Variants in DOK7 observed in about 807,000 individuals in gnomAD.
The protein encoded by DOK7 is docking protein 7, also known as protein Dok-7.
A neutral mutation model predicts 30.7 loss-of-function variants in DOK7; 32 were observed. The ratio of observed to expected loss-of-function variants is 1.04; its 90% confidence interval spans 0.79 to 1.40. DOK7 has a LOEUF of 1.40. Among genes scored for constraint, DOK7 ranks in the 40% most tolerant of loss-of-function variants. The probability of loss-of-function intolerance (pLI) is 0.00; values close to 1 mark genes in which losing one functional copy is unlikely to be tolerated. For missense variants in DOK7, 1,007 were observed against 699.2 expected (o/e 1.44, Z -4.97); for synonymous variants, 447 against 324.1 (o/e 1.38, Z -4.07).
chr4:3,498,921 C>T (rs550289310), downstream of DOK7, among the ~76,000 whole-genome samples: 1 of 152,376 alleles, frequency 6.6e-6, no homozygotes, highest in East Asian at 1.9e-4. Context: ...TCGACCTGGG[C>T]TCCATCTCGC....
downstream of DOK7, among the ~76,000 whole-genome samples, chr4:3,495,451 T>G (rs952590164): frequency 3.3e-5 from 5 of 152,234 alleles, no homozygotes; most frequent in South Asian, 1.0e-3. Context: ...TCATGGGGCC[T>G]CTTGCCTGGC....
In DOK7 at chr4:3,493,198, C is replaced by T; in HGVS notation, c.1212C>T (p.His404=). The change falls in exon 7 of 7, where the codon CAC becomes CAT. Residue 404 remains histidine (H), a synonymous_variant. Transcript: ENST00000340083. ...AGGTGCCCACCTCCCTGCGGGCCCA[C>T]TATGACACACCACGCAGCCTTTGCC... ...EYQVPTSLRA[H]YDTPRSLCLA... is the part of the protein sequence containing the mutation. 1.2e-6 allele frequency: 2 copies of T among 1,611,568 alleles called. No individual in the cohort carries two copies. The highest frequency in any genetic ancestry group is 1.7e-6 in the Non-Finnish European group (2 of 1,179,520).
At chr4:3,468,359 TGC>T (rs745776354) in intron 2 of DOK7, among the ~76,000 whole-genome samples, 147 of 152,082 alleles carry the variant, frequency 9.7e-4, no homozygotes, top group Non-Finnish European at 1.6e-3. Context: ...CTTGTCTGTG[TGC>T]GTGTGTCTGT....
chr4:3,494,295 C>A lies in DOK7; in HGVS notation c.*794C>A. 4 of 985,604 alleles carry A rather than the reference C, an allele frequency of 4.1e-6. No homozygotes were observed. Among genetic ancestry groups the A allele is most frequent in the Non-Finnish European group, 4.8e-6 (4 of 830,060 alleles). The allele number at this position is 985,604 out of a possible 1,614,324, so 61.1% of individuals were successfully genotyped here. ...CCCCTGGCCCAGGCCTCAGCCCCTG[C>A]GTCGGAGGTGGGGCTGTGTTGGGCC... On this transcript the variant is annotated 3_prime_UTR_variant, in exon 7 of 7. Transcript: ENST00000340083.
At chr4:3,469,005 C>T (rs200156813) in intron 2 of DOK7, among the ~76,000 whole-genome samples, 2,205 of 137,690 alleles carry the variant, frequency 0.016, 34 homozygotes, top group African/African-American at 0.048. Flanking sequence ...TGTGAGTGTG[C>T]GTGTATGAGT....
Position 3,494,005 on chromosome 4 carries a change from C to G in DOK7, c.*504C>G, listed in dbSNP as rs1461346922. ...TCCACCAGCCCAGCCCCCCTGGGCT[C>G]CGTGTGCGCTGGGCCTCATCCCCAT... On this transcript the variant is annotated 3_prime_UTR_variant, in exon 7 of 7. Transcript: ENST00000340083. The G allele has an allele frequency of 2.0e-6, 2 of 993,416 alleles. No individual in the cohort carries two copies. Among genetic ancestry groups the G allele is most frequent in the East Asian group, 1.1e-4 (1 of 9,056 alleles). 61.5% of individuals were successfully genotyped at this position (993,416 alleles called of 1,614,324 possible).
chr4:3,493,693 G>A lies in DOK7; in HGVS notation c.*192G>A. On this transcript the variant is annotated 3_prime_UTR_variant, in exon 7 of 7. Transcript: ENST00000340083. Reference sequence around the variant, plus strand: ...GGAAGGGGCTGACTTGGGGAGGTGAGTTCTGGAAGGCAGGGGCTCTGGGTC... The same window carrying A: ...GGAAGGGGCTGACTTGGGGAGGTGAATTCTGGAAGGCAGGGGCTCTGGGTC... 4.9e-6 allele frequency: 7 copies of A among 1,438,868 alleles called. No homozygotes were observed. Among genetic ancestry groups the A allele is most frequent in the Non-Finnish European group, 4.6e-6 (5 of 1,097,898 alleles). 89.1% of individuals were successfully genotyped at this position (1,438,868 alleles called of 1,614,324 possible).
chr4:3,471,176 GCAGA>G (rs1234030268), intron 2 of DOK7, among the ~76,000 whole-genome samples: 3 of 152,236 alleles, frequency 2.0e-5, no homozygotes, highest in African/African-American at 7.2e-5. Flanking sequence ...AGCTGGTAAC[GCAGA>G]CAGATGTGTA....
rs186171245 is a variant in DOK7, at chr4:3,478,011, G to T, written c.532+1469G>T. ...CCAGCGTCCCTGTCCTTTGTCGTGT[G>T]GGAAGCCAGAGCTGCAGGCTGTAGT... is the stretch of plus-strand genomic sequence containing the variant. On this transcript the variant is annotated intron_variant, in intron 4 of 6. Transcript: ENST00000340083. Among the ~76,000 whole-genome samples the T allele has an allele frequency of 1.6e-3, 251 of 152,300 alleles. 2 individuals carry two copies. The highest frequency in any genetic ancestry group is 5.7e-3 in the African/African-American group (235 of 41,566).
downstream of DOK7, among the ~76,000 whole-genome samples, chr4:3,499,327 A>C (rs1047269431): frequency 5.3e-5 from 8 of 152,254 alleles, no homozygotes; most frequent in South Asian, 4.1e-4. Flanking sequence ...TCTCCCAGCC[A>C]CTGGCTCAGG....
In DOK7 at chr4:3,463,401, GC is replaced by G. The variant is rs1560200925; in HGVS notation, c.28del (p.Gln10ArgfsTer28). ...ATGACCGAGGCGGCGCTGGTGGAGG[GC>G]CAGGTCAAGCTGCGGGACGGCAAGA... MTEAALVEGQVKLRDGKKW... is the reference protein window; with the variant it reads MTEAALVEXQVKLRDGKKW... On this transcript the variant is annotated frameshift_variant, in exon 1 of 7. Transcript: ENST00000340083. LOFTEE classifies it high-confidence loss of function. The G allele has an allele frequency of 2.7e-6, 4 of 1,481,332 alleles. No homozygotes were observed. The African/African-American group carries it at 5.9e-5, about 22-fold the overall frequency. The allele number at this position is 1,481,332 out of a possible 1,614,324, so 91.8% of individuals were successfully genotyped here.
intron 6 of DOK7, among the ~76,000 whole-genome samples, chr4:3,490,357 T>G (rs1418937518): frequency 3.0e-5 from 2 of 65,774 alleles, no homozygotes; most frequent in South Asian, 6.1e-4. Context: ...TTCCCCACAC[T>G]CATTCATTCC....
intron 4 of DOK7, among the ~76,000 whole-genome samples, chr4:3,477,896 G>A (rs1481646521): frequency 1.3e-5 from 2 of 152,190 alleles, no homozygotes; most frequent in Non-Finnish European, 2.9e-5. Flanking sequence ...CTGCCCCCAG[G>A]CCCTCCCTGC....
In DOK7 at chr4:3,494,047, A is replaced by G. The variant is rs151250727; in HGVS notation, c.*546A>G. The G allele has an allele frequency of 4.2e-4, 410 of 987,708 alleles. No homozygotes were observed. The African/African-American group carries it at 6.7e-3, about 16-fold the overall frequency. The allele number at this position is 987,708 out of a possible 1,614,324, so 61.2% of individuals were successfully genotyped here. On this transcript the variant is annotated 3_prime_UTR_variant, in exon 7 of 7. Coordinates refer to ENST00000340083, the MANE Select transcript of DOK7 (RefSeq NM_173660.5). Reference sequence around the variant, plus strand: ...CATCCCCATCTATGGGAGGAAACTGAAGCTCAGGAGGCTGTGTGGCTTGCG... The same window carrying G: ...CATCCCCATCTATGGGAGGAAACTGGAGCTCAGGAGGCTGTGTGGCTTGCG...
intron 4 of DOK7, among the ~76,000 whole-genome samples, chr4:3,477,269 T>G (rs1483614224): frequency 6.6e-6 from 1 of 152,234 alleles, no homozygotes; most frequent in Non-Finnish European, 1.5e-5. Context: ...GCCTCCTCTC[T>G]TCTCTCTGGA....
intron 6 of DOK7, among the ~76,000 whole-genome samples, chr4:3,490,479 CTCAT>C (rs947755700): frequency 3.0e-5 from 4 of 133,978 alleles, no homozygotes; most frequent in Non-Finnish European, 4.7e-5. Context: ...TCTCCCTCTG[CTCAT>C]TCATTCCTTC....
chr4:3,468,675 CATGCCT>C (rs1726505428), intron 2 of DOK7, among the ~76,000 whole-genome samples: 1 of 127,836 alleles, frequency 7.8e-6, no homozygotes, highest in African/African-American at 3.0e-5. Flanking sequence ...TGCCTGTGTG[CATGCCT>C]GTGTGTGCAT....
At chr4:3,494,572 C>T (rs1728792300), downstream of DOK7, 1 of 961,780 alleles carries the variant, frequency 1.0e-6, no homozygotes, top group South Asian at 4.8e-5. Context: ...GTCCCCGGGC[C>T]CGGCTTCCCT....
intron 2 of DOK7, among the ~76,000 whole-genome samples, chr4:3,467,313 C>T (rs990882372): frequency 2.6e-5 from 4 of 151,872 alleles, no homozygotes; most frequent in South Asian, 4.2e-4. Context: ...CCCGGCTCTC[C>T]GCCCTGGCTG....
Sources: allele counts gnomAD v4.1 joint callset (sites outside exome capture counted in the v4.1 genomes callset), GRCh38; gene constraint gnomAD v4.1.1; transcripts MANE v1.5; gene names NCBI Gene and HGNC (gene_info 2026-07-23, HGNC 2026-07-21).